The following ADAT3 variants were observed in gnomAD, a reference collection of about 807,000 sequenced individuals.
ADAT3 encodes the protein adenosine deaminase tRNA specific 3, also known as tRNA-specific adenosine-34 deaminase regulatory subunit ADAT3.
In ADAT3, 2 loss-of-function variants were observed where a neutral mutation model predicts 3.5. The ratio of observed to expected loss-of-function variants is 0.57; its 90% CI spans 0.23 to 1.79. ADAT3 has a LOEUF of 1.79. Among genes scored for constraint, ADAT3 ranks in the 40% most tolerant of loss-of-function variants. The pLI is 0.18. For missense variants in ADAT3, 735 were observed against 571.4 expected (o/e 1.29, Z -2.92); for synonymous variants, 358 against 270.3 (o/e 1.32, Z -3.18).
At position 1,908,392 on chromosome 19, in the gene ADAT3, C is replaced by A. The variant is rs2013252274; in HGVS notation, c.-159+2953C>A. The A allele has an allele frequency of 7.2e-6, 3 of 417,266 alleles. No individual in the cohort carries two copies. The highest frequency in any genetic ancestry group is 1.4e-3 in the Middle Eastern group (2 of 1,460). The allele number at this position is 417,266 out of a possible 1,614,324, so 25.8% of individuals were successfully genotyped here. Reference sequence around the variant, plus strand: ...TGCTGGTCCCCCATCTGTGGGGCGCCCCGGCGGCTGAGGCGTGGACCAGGC... The same window carrying A: ...TGCTGGTCCCCCATCTGTGGGGCGCACCGGCGGCTGAGGCGTGGACCAGGC... On this transcript the variant is annotated intron_variant, in intron 1 of 1. Transcript: ENST00000329478. This position sits in a 1 kb window ranked among gnomAD's most constrained non-coding sequence, Gnocchi z 4.2.
In ADAT3 at chr19:1,905,416, TGCGC is replaced by T. The variant is rs1330054557; in HGVS notation, c.-181_-178del. ...CGGTTGCTAAGACTTGGCGAAGCGC[TGCGC>T]TCGCGCCCGGATCCCTCAGGTAAGC... On this transcript the variant is annotated 5_prime_UTR_variant, in exon 1 of 2. Coordinates refer to ENST00000329478, the MANE Select transcript of ADAT3 (RefSeq NM_138422.4). 8.6e-6 allele frequency: 4 copies of T among 463,290 alleles called. No homozygotes were observed. The allele number at this position is 463,290 out of a possible 1,614,324, so 28.7% of individuals were successfully genotyped here. A position where few individuals can be genotyped will look rare whatever the true frequency, so the allele number is the denominator to read the frequency against.
Position 1,912,955 on chromosome 19 carries a change from C to T in ADAT3, c.908C>T (p.Thr303Ile), listed in dbSNP as rs932578273. The T allele has an allele frequency of 6.2e-7, 1 of 1,610,166 alleles. No homozygotes were observed. The highest frequency in any genetic ancestry group is 1.3e-5 in the African/African-American group (1 of 74,908). Residue 303 changes from threonine (T) to isoleucine (I), a missense_variant, in exon 2 of 2, where the codon ACC becomes ATC. Transcript: ENST00000329478. ...TGCACTGGCTACGACCTGTACGTGA[C>T]CCGCGAGCCCTGCGCCATGTGCGCC... ...YLCTGYDLYVTREPCAMCAMA... is the reference protein window; with the variant it reads ...YLCTGYDLYVIREPCAMCAMA...
chr19:1,907,640 C>T (rs1862791735), intron 1 of ADAT3, among the ~76,000 whole-genome samples: 1 of 152,150 alleles, frequency 6.6e-6, no homozygotes, highest in Non-Finnish European at 1.5e-5. Context: ...CCAGGGTTGT[C>T]ACCACGCAGG....
chr19:1,907,530 G>T (rs1268294302), intron 1 of ADAT3, among the ~76,000 whole-genome samples: 2 of 152,170 alleles, frequency 1.3e-5, no homozygotes, highest in East Asian at 3.8e-4. Flanking sequence ...GGCAGGTTGG[G>T]GACTGGGTGT....
At chr19:1,906,866 T>TTTG (rs1555836654) in intron 1 of ADAT3, 1 of 130,090 alleles carries the variant, frequency 7.7e-6, no homozygotes, top group Non-Finnish European at 1.6e-5. Flanking sequence ...AAAAAAAAAA[T>TTTG]TGTGTGTGTG....
At position 1,912,518 on chromosome 19, in the gene ADAT3, G is replaced by C; in HGVS notation, c.471G>C (p.Glu157Asp). Residue 157 changes from glutamate to aspartate, a missense_variant, in exon 2 of 2, where the codon GAG (glutamate) becomes GAC (aspartate). Glu to Asp is a conservative substitution (Grantham distance 45, BLOSUM62 2). Transcript: ENST00000329478. Reference sequence around the variant, plus strand: ...CTCTGACCAGGGGCCAGTTCGAGGAGGCCCGGGCCCACTGGCCCACGTCCT... The same window carrying C: ...CTCTGACCAGGGGCCAGTTCGAGGACGCCCGGGCCCACTGGCCCACGTCCT... ...RPPLTRGQFE[E>D]ARAHWPTSFH... 1 of 1,496,560 alleles carries C rather than the reference G, an allele frequency of 6.7e-7. No individual in the cohort carries two copies. Among genetic ancestry groups the C allele is most frequent in the Non-Finnish European group, 8.8e-7 (1 of 1,130,712 alleles). 92.7% of individuals were successfully genotyped at this position (1,496,560 alleles called of 1,614,324 possible).
chr19:1,905,596 G>A (rs1283710033), intron 1 of ADAT3, 157 bp downstream of exon 1: 2 of 168,752 alleles, frequency 1.2e-5, no homozygotes, highest in African/African-American at 4.8e-5. Context: ...TCTCGGGCGG[G>A]CCGGTGGGCG....
Position 1,912,230 on chromosome 19 carries a change from C to T in ADAT3, c.183C>T (p.Ala61=). The change falls in exon 2 of 2, where the codon GCC becomes GCT. Residue 61 remains alanine, a synonymous_variant. Transcript: ENST00000329478. ...CAGGGGACGTGGAGCTGGTGCTGGC[C>T]TACGCCGCGCCCGTCCTGGACAAGC... ...KQSGDVELVL[A]YAAPVLDKRQ... is the part of the protein sequence containing the mutation. 6.3e-7 allele frequency: 1 copy of T among 1,596,012 alleles called. No individual in the cohort carries two copies. The highest frequency in any genetic ancestry group is 8.5e-7 in the Non-Finnish European group (1 of 1,174,140).
chr19:1,913,183 C>G lies in ADAT3; in HGVS notation c.*32C>G, dbSNP rs1357624765. ...CCCTCCTGCCTCCGGACCCTTCCCG[C>G]TCCCGGCCGTGGGGCGCCCCTCCTG... On this transcript the variant is annotated 3_prime_UTR_variant, in exon 2 of 2. Coordinates refer to ENST00000329478, the MANE Select transcript of ADAT3 (RefSeq NM_138422.4). The G allele has an allele frequency of 6.8e-7, 1 of 1,479,412 alleles. No individual in the cohort carries two copies. The highest frequency in any genetic ancestry group is 9.0e-7 in the Non-Finnish European group (1 of 1,115,504). The allele number at this position is 1,479,412 out of a possible 1,614,324, so 91.6% of individuals were successfully genotyped here. A position where few individuals can be genotyped will look rare whatever the true frequency, so the allele number is the denominator to read the frequency against.
At chr19:1,905,688 G>C (rs1325091376) in intron 1 of ADAT3, 1 of 154,388 alleles carries the variant, frequency 6.5e-6, no homozygotes, top group Admixed American at 6.6e-5. Context: ...CGCTCCCCCG[G>C]GCCTAGCGCC....
Position 1,905,415 on chromosome 19 carries a change from C to T in ADAT3, c.-183C>T. ...CCGGTTGCTAAGACTTGGCGAAGCGCTGCGCTCGCGCCCGGATCCCTCAGG... is the reference window on the plus strand; with the variant it reads ...CCGGTTGCTAAGACTTGGCGAAGCGTTGCGCTCGCGCCCGGATCCCTCAGG... On this transcript the variant is annotated 5_prime_UTR_variant, in exon 1 of 2. Transcript: ENST00000329478. 1 of 463,732 alleles carries T rather than the reference C, an allele frequency of 2.2e-6. No homozygotes were observed. The highest frequency in any genetic ancestry group is 1.6e-5 in the South Asian group (1 of 63,238). 28.7% of individuals were successfully genotyped at this position (463,732 alleles called of 1,614,324 possible). A position where few individuals can be genotyped will look rare whatever the true frequency, so the allele number is the denominator to read the frequency against.
chr19:1,912,850 C>G lies in ADAT3; in HGVS notation c.803C>G (p.Ala268Gly), dbSNP rs780093794. The G allele has an allele frequency of 2.5e-6, 4 of 1,596,380 alleles. No individual in the cohort carries two copies. The highest frequency in any genetic ancestry group is 3.4e-6 in the Non-Finnish European group (4 of 1,176,832). ...AGACCCTTCCCCGCCTGCTCCTTCG[C>G]CCCGGCCGCTGCCCCCCAGGCCGTC... Reference protein sequence around the residue: ...DFRPFPACSFAPAAAPQAVRA... With the variant: ...DFRPFPACSFGPAAAPQAVRA... Residue 268 changes from alanine to glycine, a missense_variant, in exon 2 of 2, where the codon GCC becomes GGC. Transcript: ENST00000329478.
In ADAT3 at chr19:1,912,402, C is replaced by A. The variant is rs1156539885; in HGVS notation, c.355C>A (p.Pro119Thr). The A allele has an allele frequency of 2.6e-6, 4 of 1,516,060 alleles. No individual in the cohort carries two copies. In the Admixed American group the frequency reaches 6.1e-5, roughly 23 times the overall value. 93.9% of individuals were successfully genotyped at this position (1,516,060 alleles called of 1,614,324 possible). A position where few individuals can be genotyped will look rare whatever the true frequency, so the allele number is the denominator to read the frequency against. ...TTGCCTGGCTGGGCCGGCCTCGGGCCCGCGCTCGCTGGCTGAGCTCCTGCC... is the reference window on the plus strand; with the variant it reads ...TTGCCTGGCTGGGCCGGCCTCGGGCACGCGCTCGCTGGCTGAGCTCCTGCC... ...LLCLAGPASGPRSLAELLPRP... is the reference protein window; with the variant it reads ...LLCLAGPASGTRSLAELLPRP... The change falls in exon 2 of 2, where the codon CCG (proline) becomes ACG (threonine). Residue 119 changes from proline to threonine, a missense_variant. Coordinates refer to ENST00000329478, the MANE Select transcript of ADAT3 (RefSeq NM_138422.4).
Position 1,908,427 on chromosome 19 carries a change from C to T in ADAT3, c.-159+2988C>T, listed in dbSNP as rs1185052917. On this transcript the variant is annotated intron_variant, in intron 1 of 1. Transcript: ENST00000329478. The surrounding 1 kb of genome is among the most constrained non-coding windows in gnomAD (Gnocchi z 4.2). ...GAGGCGTGGACCAGGCAGTGCATGT[C>T]GAGGAGTAGCACCCACAGCTGCGCG... is the stretch of plus-strand genomic sequence containing the variant. 8.6e-6 allele frequency: 4 copies of T among 462,970 alleles called. No homozygotes were observed. The highest frequency in any genetic ancestry group is 4.7e-5 in the Admixed American group (2 of 42,120). The allele number at this position is 462,970 out of a possible 1,614,324, so 28.7% of individuals were successfully genotyped here.
Position 1,913,144 on chromosome 19 carries a change from A to C in ADAT3, c.1097A>C (p.Asp366Ala). The change falls in exon 2 of 2, where the codon GAC (aspartate) becomes GCC (alanine). Residue 366 changes from aspartate (D) to alanine (A), a missense_variant. By Grantham distance (126) the Asp-to-Ala change is moderately radical. Coordinates refer to ENST00000329478, the MANE Select transcript of ADAT3 (RefSeq NM_138422.4). ...LEEQCRWLDP[D>A]T ...GAGCAGTGCCGCTGGCTGGACCCCG[A>C]CACGTAGGCGCCGCCCTCCTGCCTC... 1.9e-6 allele frequency: 3 copies of C among 1,550,088 alleles called. No homozygotes were observed. Among genetic ancestry groups the C allele is most frequent in the Non-Finnish European group, 2.6e-6 (3 of 1,151,460 alleles).
intron 1 of ADAT3, among the ~76,000 whole-genome samples, chr19:1,907,807 C>T (rs2145423285): frequency 6.6e-6 from 1 of 152,254 alleles, no homozygotes; most frequent in Non-Finnish European, 1.5e-5. Flanking sequence ...GGTCAGGTGG[C>T]CCCCTGCTGT....
Position 1,912,088 on chromosome 19 carries a change from C to T in ADAT3, c.41C>T (p.Ser14Leu). 2.0e-6 allele frequency: 3 copies of T among 1,472,974 alleles called. No individual in the cohort carries two copies. The highest frequency in any genetic ancestry group is 2.7e-6 in the Non-Finnish European group (3 of 1,117,236). The allele number at this position is 1,472,974 out of a possible 1,614,324, so 91.2% of individuals were successfully genotyped here. A position where few individuals can be genotyped will look rare whatever the true frequency, so the allele number is the denominator to read the frequency against. The change falls in exon 2 of 2, where the codon TCG becomes TTG. Residue 14 changes from serine to leucine, a missense_variant. By Grantham distance (145) the Ser-to-Leu change is moderately radical. Coordinates refer to ENST00000329478, the MANE Select transcript of ADAT3 (RefSeq NM_138422.4). Reference sequence around the variant, plus strand: ...CGTCTCTGTCTCCCACAGTCGGCCTCGCTGAGGATGGAGCCCGCCCCGGGC... The same window carrying T: ...CGTCTCTGTCTCCCACAGTCGGCCTTGCTGAGGATGGAGCCCGCCCCGGGC... Reference protein sequence around the residue: ...CSRLCLPQSASLRMEPAPGLV... With the variant: ...CSRLCLPQSALLRMEPAPGLV...
chr19:1,905,562 G>C (rs2013058764), intron 1 of ADAT3, 123 bp downstream of exon 1: 1 of 292,874 alleles, frequency 3.4e-6, no homozygotes, highest in Non-Finnish European at 7.5e-6. Flanking sequence ...AGAAAACGGG[G>C]GGCCCAGGCC....
rs780211497 is a variant in ADAT3 at position 1,912,811 on chromosome 19, G to A, written c.764G>A (p.Gly255Asp). ...CTCGTGGCGCGCGGCCAGGGCCGCG[G>A]CACCTACGACTTCAGACCCTTCCCC... ...VDLVARGQGR[G>D]TYDFRPFPAC... The change falls in exon 2 of 2, where the codon GGC becomes GAC. Residue 255 changes from glycine (G) to aspartate (D), a missense_variant. Coordinates refer to ENST00000329478, the MANE Select transcript of ADAT3 (RefSeq NM_138422.4). 1.3e-6 allele frequency: 2 copies of A among 1,584,210 alleles called. No homozygotes were observed. Among genetic ancestry groups the A allele is most frequent in the Non-Finnish European group, 8.5e-7 (1 of 1,173,308 alleles).
Sources: gnomAD v4.1 joint callset for allele counts (sites outside exome capture counted in the v4.1 genomes callset) on GRCh38, gnomAD v4.1.1 for gene constraint, Gnocchi (gnomAD v3.1) non-coding constraint, MANE v1.5 for transcripts, NCBI Gene and HGNC (gene_info 2026-07-23, HGNC 2026-07-21) for gene names.